Variants in GALNT10 observed in about 807,000 individuals in gnomAD.
GALNT10 encodes the protein GalNAc transferase 10.
GALNT10 carries 41 observed loss-of-function variants against 75.0 expected under a neutral mutation model. The observed-to-expected ratio is 0.55, with a 90% CI of 0.43 to 0.71. The LOEUF (loss-of-function observed/expected upper bound fraction) is 0.71, where lower values mean the gene tolerates loss of function less well. GALNT10 is among the 30% of genes least tolerant of loss of function. The pLI is 0.00. For missense variants in GALNT10, 727 were observed against 818.5 expected (o/e 0.89, Z 1.36); for synonymous variants, 302 against 313.0 (o/e 0.96, Z 0.37).
At chr5:154,192,496 AG>A (rs898725560) in intron 1 of GALNT10, among the ~76,000 whole-genome samples, 1 of 152,240 alleles carries the variant, frequency 6.6e-6, no homozygotes, top group Non-Finnish European at 1.5e-5. Context: ...CAGGAGTTCC[AG>A]GGTTCTGACC....
At chr5:154,370,692 T>TA (rs1338439129) in intron 4 of GALNT10, among the ~76,000 whole-genome samples, 1 of 152,204 alleles carries the variant, frequency 6.6e-6, no homozygotes, top group African/African-American at 2.4e-5. Context: ...TGTGCACACC[T>TA]TGCCATATGA....
chr5:154,395,904 G>A (rs1756007181), intron 7 of GALNT10, among the ~76,000 whole-genome samples: 2 of 152,192 alleles, frequency 1.3e-5, no homozygotes, highest in African/African-American at 4.8e-5. Context: ...GTCAGAGGCT[G>A]CCGTGGAGCC....
At chr5:154,317,892 C>T (rs1274466874) in intron 3 of GALNT10, among the ~76,000 whole-genome samples, 1 of 152,234 alleles carries the variant, frequency 6.6e-6, no homozygotes, top group Non-Finnish European at 1.5e-5. Context: ...CTCTGTTTTC[C>T]ACTCTGTTAA....
At chr5:154,258,272 A>G (rs763767737) in intron 1 of GALNT10, among the ~76,000 whole-genome samples, 1 of 152,156 alleles carries the variant, frequency 6.6e-6, no homozygotes, top group African/African-American at 2.4e-5. Flanking sequence ...TCCAAACTAC[A>G]GTGCTTTTTT....
chr5:154,211,929 C>T (rs1354431315), intron 1 of GALNT10, among the ~76,000 whole-genome samples: 2 of 152,182 alleles, frequency 1.3e-5, no homozygotes, highest in Non-Finnish European at 2.9e-5. Flanking sequence ...AGCTATATAT[C>T]ATGATGGACA....
intron 7 of GALNT10, among the ~76,000 whole-genome samples, chr5:154,391,737 C>A (rs995596316): frequency 7.9e-5 from 12 of 152,224 alleles, no homozygotes; most frequent in African/African-American, 2.7e-4. Context: ...ACCCTAAGGC[C>A]GGGCTGGATG....
chr5:154,239,706 C>T (rs1753303317), intron 1 of GALNT10, among the ~76,000 whole-genome samples: 3 of 152,146 alleles, frequency 2.0e-5, no homozygotes, highest in African/African-American at 4.8e-5. Flanking sequence ...AGATGTGAAC[C>T]GCCCATTCCT....
chr5:154,338,413 T>C, intron 4 of GALNT10: 1 of 395,478 alleles, frequency 2.5e-6, no homozygotes, highest in Non-Finnish European at 4.8e-6. Flanking sequence ...AAAAGTGTCC[T>C]CAGCTGCTCG....
chr5:154,376,323 T>C lies in GALNT10; in HGVS notation c.615T>C (p.Ser205=). The C allele has an allele frequency of 6.2e-7, 1 of 1,612,634 alleles. No homozygotes were observed. Among genetic ancestry groups the C allele is most frequent in the South Asian group, 1.1e-5 (1 of 90,782 alleles). ...AAGACTACATGGCCCTTTTCCCCAG[T>C]GTGAGGATTCTTCGAACCAAGAAAC... ...PLEDYMALFP[S]VRILRTKKRE... is the part of the protein sequence containing the mutation. The change falls in exon 5 of 12, where the codon AGT becomes AGC. Residue 205 remains serine, a synonymous_variant. Transcript: ENST00000297107. The surrounding 1 kb of genome is among the most constrained non-coding windows in gnomAD (Gnocchi z 4.1).
chr5:154,309,891 G>A (rs17629424), intron 3 of GALNT10, among the ~76,000 whole-genome samples: 1 of 152,172 alleles, frequency 6.6e-6, no homozygotes, highest in East Asian at 1.9e-4. Flanking sequence ...CTGAGTTGCT[G>A]TGTTTTTATT....
intron 1 of GALNT10, among the ~76,000 whole-genome samples, chr5:154,260,684 G>A (rs1753687475): frequency 6.6e-6 from 1 of 152,150 alleles, no homozygotes; most frequent in Non-Finnish European, 1.5e-5. Flanking sequence ...GTTTCTCAAG[G>A]GAGTAAAGTA....
intron 4 of GALNT10, among the ~76,000 whole-genome samples, chr5:154,359,965 C>A (rs78007884): frequency 0.033 from 4,992 of 151,890 alleles, 121 homozygotes; most frequent in Middle Eastern, 0.068. Context: ...ATTCTATAAT[C>A]CAGGAATCCT....
At position 154,409,878 on chromosome 5, in the gene GALNT10, A is replaced by C; in HGVS notation, c.1386+116A>C. 1.4e-6 allele frequency: 1 copy of C among 718,538 alleles called. No individual in the cohort carries two copies. The highest frequency in any genetic ancestry group is 2.4e-6 in the Non-Finnish European group (1 of 413,258). The allele number at this position is 718,538 out of a possible 1,614,324, so 44.5% of individuals were successfully genotyped here. ...CAGGGAGGAAAGGCGTGAATATAAAATCGTTTCCTTTCTTTCCTGGTCTCT... is the reference window on the plus strand; with the variant it reads ...CAGGGAGGAAAGGCGTGAATATAAACTCGTTTCCTTTCTTTCCTGGTCTCT... On this transcript the variant is annotated intron_variant, in intron 9 of 11. Coordinates refer to ENST00000297107, the MANE Select transcript of GALNT10 (RefSeq NM_198321.4). The surrounding 1 kb of genome is among the most constrained non-coding windows in gnomAD (Gnocchi z 4.5).
intron 1 of GALNT10, among the ~76,000 whole-genome samples, chr5:154,285,547 T>A (rs1326112201): frequency 6.6e-6 from 1 of 152,060 alleles, no homozygotes; most frequent in African/African-American, 2.4e-5. Flanking sequence ...CTGTCCAAGT[T>A]CTCAGGCTCT....
In GALNT10 at chr5:154,248,447, T is replaced by A. The variant is rs1428543891; in HGVS notation, c.160-46369T>A. 3.3e-5 allele frequency among the ~76,000 whole-genome samples: 5 copies of A among 152,166 alleles called. No homozygotes were observed. In the East Asian group the frequency reaches 9.6e-4, roughly 29 times the overall value. On this transcript the variant is annotated intron_variant, in intron 1 of 11. Transcript: ENST00000297107. ...CTGTGAATCCATCTGGTCCTGGACT[T>A]TTTTTGGTTGGTAAGCTATTAATTA...
At chr5:154,251,572 C>T (rs547547978) in intron 1 of GALNT10, among the ~76,000 whole-genome samples, 16 of 152,296 alleles carry the variant, frequency 1.1e-4, no homozygotes, top group South Asian at 8.3e-4. Context: ...GTTTCTACAC[C>T]AGGAGGCACA....
chr5:154,202,962 C>T (rs1435440823), intron 1 of GALNT10, among the ~76,000 whole-genome samples: 1 of 152,240 alleles, frequency 6.6e-6, no homozygotes, highest in Non-Finnish European at 1.5e-5. Context: ...GCTGAGGGCT[C>T]CTGCCATCCA....
At chr5:154,322,451 G>A (rs1754689811) in intron 3 of GALNT10, among the ~76,000 whole-genome samples, 2 of 152,004 alleles carry the variant, frequency 1.3e-5, no homozygotes, top group South Asian at 2.1e-4. Flanking sequence ...ATTACATTGG[G>A]ACCACCTAGA....
At chr5:154,230,978 C>T (rs1001045303) in intron 1 of GALNT10, among the ~76,000 whole-genome samples, 1 of 152,228 alleles carries the variant, frequency 6.6e-6, no homozygotes, top group Non-Finnish European at 1.5e-5. Context: ...GCAAGGCATA[C>T]ACCAGACAAG....
Sources: allele counts gnomAD v4.1 joint callset (sites outside exome capture counted in the v4.1 genomes callset), GRCh38; gene constraint gnomAD v4.1.1; non-coding constraint Gnocchi (gnomAD v3.1); transcripts MANE v1.5; gene names NCBI Gene and HGNC (gene_info 2026-07-23, HGNC 2026-07-21).